The following NCOA1 variants were observed in gnomAD, a reference collection of about 807,000 sequenced individuals.
NCOA1 encodes nuclear receptor coactivator 1, also known as Hin-2 protein.
NCOA1 carries 35 observed loss-of-function variants against 150.9 expected under a neutral mutation model. The observed-to-expected ratio is 0.23, with a 90% CI of 0.18 to 0.31. The LOEUF (loss-of-function observed/expected upper bound fraction) is 0.31. Among genes scored for constraint, NCOA1 ranks in the 10% least tolerant of loss-of-function variants. The probability of loss-of-function intolerance (pLI) is 1.00; values close to 1 mark genes in which losing one functional copy is unlikely to be tolerated. For synonymous variants in NCOA1, 590 were observed against 630.0 expected (o/e 0.94, Z 0.95); for missense variants, 1,491 against 1,749.3 (o/e 0.85, Z 2.63).
chr2:24,642,012 G>GTC, intron 3 of NCOA1, among the ~76,000 whole-genome samples: 1 of 46,504 alleles, frequency 2.2e-5, no homozygotes, highest in Non-Finnish European at 9.0e-5. Context: ...GAGGGCGTGT[G>GTC]TGTGTGTGTG....
chr2:24,647,086 C>A (rs1385060404), intron 4 of NCOA1, among the ~76,000 whole-genome samples: 1 of 151,936 alleles, frequency 6.6e-6, no homozygotes, highest in Admixed American at 6.5e-5. Flanking sequence ...AGAAAAGATT[C>A]TTTGTTTATA....
intron 1 of NCOA1, among the ~76,000 whole-genome samples, chr2:24,509,860 C>G (rs373692204): frequency 1.6e-4 from 25 of 152,148 alleles, no homozygotes; most frequent in East Asian, 5.8e-4. Flanking sequence ...TATTTTATCT[C>G]TTTAGCTGGG....
At chr2:24,637,708 T>A (rs1327266688) in intron 3 of NCOA1, among the ~76,000 whole-genome samples, 4 of 139,708 alleles carry the variant, frequency 2.9e-5, no homozygotes, top group Non-Finnish European at 4.6e-5. Context: ...TTTGTTTTGT[T>A]TTTTGAGATG....
At chr2:24,624,329 A>G (rs1669306650) in intron 3 of NCOA1, among the ~76,000 whole-genome samples, 1 of 152,218 alleles carries the variant, frequency 6.6e-6, no homozygotes, top group African/African-American at 2.4e-5. Flanking sequence ...CTGATGATCT[A>G]TGGGAAAGAA....
intron 8 of NCOA1, 116 bp from the exon 9 acceptor site, chr2:24,691,365 T>C (rs1672660394): frequency 1.1e-6 from 1 of 881,226 alleles, no homozygotes; most frequent in Non-Finnish European, 1.8e-6. Context: ...GAGGTCAGTC[T>C]GTCTTTTAAT....
At chr2:24,757,861 G>A in intron 20 of NCOA1, 112 bp from the exon 21 acceptor site, 1 of 925,420 alleles carries the variant, frequency 1.1e-6, no homozygotes. Context: ...AGAAGTTACA[G>A]TCATACATGC....
In NCOA1 at chr2:24,542,332, T is replaced by C. The variant is rs577657206; in HGVS notation, c.-395-21963T>C. Among the ~76,000 whole-genome samples, 25 of 152,200 alleles carry C rather than the reference T, an allele frequency of 1.6e-4. No homozygotes were observed. In the South Asian group the frequency reaches 5.0e-3, roughly 30 times the overall value. Reference sequence around the variant, plus strand: ...GATAAGAGGGAAAATTCTACAAATATTCAAAGGGGGGAACCAAATGATTTT... The same window carrying C: ...GATAAGAGGGAAAATTCTACAAATACTCAAAGGGGGGAACCAAATGATTTT... On this transcript the variant is annotated intron_variant, in intron 1 of 22. Transcript: ENST00000348332.
At chr2:24,651,413 G>A (rs986599483) in intron 4 of NCOA1, among the ~76,000 whole-genome samples, 4 of 152,074 alleles carry the variant, frequency 2.6e-5, no homozygotes, top group Non-Finnish European at 4.4e-5. Context: ...ACATAGGTGA[G>A]CCTGGAGGAC....
In NCOA1 at chr2:24,705,114, C is replaced by T; in HGVS notation, c.978C>T (p.Pro326=). 1 of 1,614,076 alleles carries T rather than the reference C, an allele frequency of 6.2e-7. No individual in the cohort carries two copies. The highest frequency in any genetic ancestry group is 8.5e-7 in the Non-Finnish European group (1 of 1,179,950). Residue 326 remains proline, a synonymous_variant, in exon 12 of 23, where the codon CCC becomes CCT. Coordinates refer to ENST00000348332, the MANE Select transcript of NCOA1 (RefSeq NM_003743.5). The part of the protein sequence containing the change: ...EVMTRGTASS[P]SYRFILNDGT... ...TGACTCGTGGCACTGCCTCCAGCCC[C>T]TCCTATAGATTCATATTGAATGATG...
At chr2:24,508,346 G>A (rs1663790891) in intron 1 of NCOA1, among the ~76,000 whole-genome samples, 1 of 151,898 alleles carries the variant, frequency 6.6e-6, no homozygotes, top group Admixed American at 6.6e-5. Flanking sequence ...TTTATATTAG[G>A]TTATAGCATA....
chr2:24,705,476 A>G (rs1405201325), intron 12 of NCOA1, among the ~76,000 whole-genome samples: 2 of 152,200 alleles, frequency 1.3e-5, no homozygotes, highest in African/African-American at 2.4e-5. Context: ...TAGAGGGTAA[A>G]ACCAAAAAGA....
At chr2:24,497,772 G>A (rs183953240) in intron 1 of NCOA1, among the ~76,000 whole-genome samples, 1 of 152,130 alleles carries the variant, frequency 6.6e-6, no homozygotes, top group African/African-American at 2.4e-5. Context: ...ATCTTTGGTT[G>A]GTTTTGGATT....
chr2:24,513,601 T>C (rs867896770), intron 1 of NCOA1, among the ~76,000 whole-genome samples: 1 of 152,236 alleles, frequency 6.6e-6, no homozygotes, highest in African/African-American at 2.4e-5. Flanking sequence ...TGTGTGTGTG[T>C]GCGTGCACAC....
chr2:24,734,351 G>C (rs952701516), intron 17 of NCOA1, among the ~76,000 whole-genome samples: 1 of 152,078 alleles, frequency 6.6e-6, no homozygotes, highest in Non-Finnish European at 1.5e-5. Flanking sequence ...AATTCAATCA[G>C]TAAATTCAGT....
intron 1 of NCOA1, among the ~76,000 whole-genome samples, chr2:24,523,768 A>T (rs549727738): frequency 6.7e-6 from 1 of 149,484 alleles, no homozygotes; most frequent in South Asian, 2.1e-4. Context: ...TCTACTGAAA[A>T]TACAAAAATC....
chr2:24,676,962 G>A (rs898288047), intron 7 of NCOA1, among the ~76,000 whole-genome samples: 1 of 152,180 alleles, frequency 6.6e-6, no homozygotes. Flanking sequence ...TGAGAAATAT[G>A]TGATTATGTA....
chr2:24,609,701 C>T (rs2148380369), intron 3 of NCOA1, among the ~76,000 whole-genome samples: 1 of 150,618 alleles, frequency 6.6e-6, no homozygotes, highest in South Asian at 2.1e-4. Context: ...TCTGTTTCAT[C>T]AATTTGTGCT....
intron 3 of NCOA1, among the ~76,000 whole-genome samples, chr2:24,628,630 C>T (rs1195759506): frequency 6.6e-6 from 1 of 151,932 alleles, no homozygotes; most frequent in Non-Finnish European, 1.5e-5. Flanking sequence ...GTGAAGAAAA[C>T]GTAGAAAATG....
At chr2:24,758,844 T>C (rs1260023001) in intron 21 of NCOA1, among the ~76,000 whole-genome samples, 1 of 151,180 alleles carries the variant, frequency 6.6e-6, no homozygotes, top group African/African-American at 2.4e-5. Flanking sequence ...AAAAATTAGC[T>C]GTGCGTGGTG....
Sources: gnomAD v4.1 joint callset for allele counts (sites outside exome capture counted in the v4.1 genomes callset) on GRCh38, gnomAD v4.1.1 for gene constraint, MANE v1.5 for transcripts, NCBI Gene and HGNC (gene_info 2026-07-23, HGNC 2026-07-21) for gene names.